Variants in NPAS3 observed in about 807,000 individuals in gnomAD.
The protein encoded by NPAS3 is neuronal PAS domain protein 3.
A neutral mutation model predicts 73.1 loss-of-function variants in NPAS3; 14 were observed. That is an observed-to-expected ratio of 0.19 (90% confidence interval 0.13 to 0.30). NPAS3 has a LOEUF of 0.30. Ranked by LOEUF, NPAS3 falls within the 10% of genes least tolerant of loss-of-function variation. The pLI, the probability that NPAS3 is intolerant of heterozygous loss-of-function variation, is 1.00. For synonymous variants in NPAS3, 620 were observed against 541.5 expected, an observed-to-expected ratio of 1.14 and a Z score of -2.01; for missense variants, 1,096 against 1,250.0, an observed-to-expected ratio of 0.88 and a Z score of 1.86.
At chr14:33,260,065 G>A (rs2048917689) in intron 3 of NPAS3, among the ~76,000 whole-genome samples, 1 of 151,974 alleles carries the variant, frequency 6.6e-6, no homozygotes, top group Admixed American at 6.6e-5. Flanking sequence ...TGTTGGCCCT[G>A]GCAACTTCAT....
At chr14:32,949,538 G>A (rs558527838) in intron 1 of NPAS3, among the ~76,000 whole-genome samples, 10 of 152,078 alleles carry the variant, frequency 6.6e-5, no homozygotes, top group Non-Finnish European at 1.3e-4. Context: ...AACAGAAGCC[G>A]TCTTCAGAGA....
At chr14:33,699,054 A>T (rs1351786604) in intron 6 of NPAS3, among the ~76,000 whole-genome samples, 2 of 152,242 alleles carry the variant, frequency 1.3e-5, no homozygotes, top group Non-Finnish European at 2.9e-5. Context: ...TAGGAAACAC[A>T]GAGGTGGCCT....
chr14:32,971,064 A>G (rs577737701), intron 1 of NPAS3, among the ~76,000 whole-genome samples: 6 of 150,312 alleles, frequency 4.0e-5, no homozygotes, highest in Admixed American at 6.7e-5. Context: ...TTTAGTGAAA[A>G]TGATTTCTGT....
intron 4 of NPAS3, among the ~76,000 whole-genome samples, chr14:33,469,948 A>G (rs1383566796): frequency 6.6e-6 from 1 of 152,154 alleles, no homozygotes; most frequent in Non-Finnish European, 1.5e-5. Flanking sequence ...TTCACTTGGC[A>G]TCAGGGGGCC....
At chr14:33,416,057 G>A (rs1388251980) in intron 4 of NPAS3, among the ~76,000 whole-genome samples, 1 of 152,022 alleles carries the variant, frequency 6.6e-6, no homozygotes, top group Non-Finnish European at 1.5e-5. Context: ...GAGTACCTCT[G>A]CAGGAAAACC....
intron 4 of NPAS3, among the ~76,000 whole-genome samples, chr14:33,449,701 ACT>A (rs1452860565): frequency 6.6e-6 from 1 of 151,960 alleles, no homozygotes; most frequent in African/African-American, 2.4e-5. Flanking sequence ...CTGCATTCTG[ACT>A]CTGAATTATA....
intron 1 of NPAS3, among the ~76,000 whole-genome samples, chr14:32,998,732 T>A (rs2038685392): frequency 6.6e-6 from 1 of 152,184 alleles, no homozygotes; most frequent in East Asian, 1.9e-4. Context: ...AACACTTTGT[T>A]ATTGTTGTTG....
intron 1 of NPAS3, among the ~76,000 whole-genome samples, chr14:32,992,526 A>G (rs551676918): frequency 6.6e-6 from 1 of 152,206 alleles, no homozygotes; most frequent in East Asian, 1.9e-4. Context: ...CCTAGAAACC[A>G]CACTTGTCCT....
At chr14:33,675,948 A>C (rs528799373) in intron 5 of NPAS3, among the ~76,000 whole-genome samples, 1 of 152,104 alleles carries the variant, frequency 6.6e-6, no homozygotes, top group Non-Finnish European at 1.5e-5. Context: ...ATTTCACAGA[A>C]TGTTTGGCTT....
At chr14:33,469,637 TCCCGC>T (rs1377447709) in intron 4 of NPAS3, among the ~76,000 whole-genome samples, 2 of 152,164 alleles carry the variant, frequency 1.3e-5, no homozygotes, top group African/African-American at 4.8e-5. Context: ...ATAGCATGGA[TCCCGC>T]CAGTTACCTA....
chr14:33,428,891 A>G (rs1455959628), intron 4 of NPAS3, among the ~76,000 whole-genome samples: 1 of 152,146 alleles, frequency 6.6e-6, no homozygotes, highest in Non-Finnish European at 1.5e-5. Context: ...TAGCTCTACA[A>G]TATAGTAGAA....
At chr14:33,170,819 A>G (rs1388036651) in intron 2 of NPAS3, among the ~76,000 whole-genome samples, 1 of 152,176 alleles carries the variant, frequency 6.6e-6, no homozygotes, top group Non-Finnish European at 1.5e-5. Context: ...TGCAATGACT[A>G]CCTTCACTGG....
At chr14:33,483,784 G>C (rs976780716) in intron 4 of NPAS3, among the ~76,000 whole-genome samples, 1 of 152,128 alleles carries the variant, frequency 6.6e-6, no homozygotes, top group Non-Finnish European at 1.5e-5. Flanking sequence ...TTTCCCCTCC[G>C]TTGAAATATG....
chr14:33,543,704 C>T (rs1027158473), intron 4 of NPAS3, among the ~76,000 whole-genome samples: 4 of 152,124 alleles, frequency 2.6e-5, no homozygotes, highest in African/African-American at 9.6e-5. Context: ...GGACAACAAT[C>T]ATCTTCTTGT....
intron 4 of NPAS3, among the ~76,000 whole-genome samples, chr14:33,525,251 C>G (rs2053746676): frequency 6.6e-6 from 1 of 152,112 alleles, no homozygotes; most frequent in Non-Finnish European, 1.5e-5. Flanking sequence ...ATCAGGGACT[C>G]AGAACTTGGA....
chr14:33,643,375 T>TAAAAAAAAAAAAAAAAAA (rs755879056), intron 5 of NPAS3, among the ~76,000 whole-genome samples: 1 of 94,664 alleles, frequency 1.1e-5, no homozygotes, highest in Non-Finnish European at 2.0e-5. Flanking sequence ...AAATAAAAAT[T>TAAAAAAAAAAAAAAAAAA]AAAAAAAAAA....
At chr14:33,756,102 A>G (rs2062108230) in intron 7 of NPAS3, among the ~76,000 whole-genome samples, 1 of 152,232 alleles carries the variant, frequency 6.6e-6, no homozygotes, top group Non-Finnish European at 1.5e-5. Flanking sequence ...CCCAAACCAT[A>G]GCAATTATCC....
chr14:33,481,713 G>A (rs992275914), intron 4 of NPAS3, among the ~76,000 whole-genome samples: 4 of 151,922 alleles, frequency 2.6e-5, no homozygotes, highest in Non-Finnish European at 5.9e-5. Context: ...AAAGAACCAG[G>A]ATCAAAGGGC....
intron 2 of NPAS3, among the ~76,000 whole-genome samples, chr14:33,161,975 A>G (rs73270579): frequency 0.094 from 14,278 of 152,260 alleles, 744 homozygotes; most frequent in African/African-American, 0.14. Context: ...CAGTTATCAG[A>G]GGAGCCCTGA....
Sources: gnomAD v4.1 joint callset for allele counts (sites outside exome capture counted in the v4.1 genomes callset) on GRCh38, gnomAD v4.1.1 for gene constraint, MANE v1.5 for transcripts, NCBI Gene and HGNC (gene_info 2026-07-23, HGNC 2026-07-21) for gene names.